The following GFRA2 variants were observed in gnomAD, a reference collection of about 807,000 sequenced individuals.
GFRA2 encodes GDNF family receptor alpha 2.
Under a neutral mutation model 48.3 loss-of-function variants are expected in GFRA2, and 17 were observed. The observed-to-expected ratio is 0.35, with a 90% CI of 0.24 to 0.53. GFRA2 has a LOEUF of 0.53. Among genes scored for constraint, GFRA2 ranks in the 20% least tolerant of loss-of-function variants. GFRA2 has a pLI of 0.93. For missense variants in GFRA2, 660 were observed against 637.3 expected (o/e 1.04, Z -0.38); for synonymous variants, 305 against 257.2 (o/e 1.19, Z -1.78).
At chr8:21,738,227 C>T (rs1406545636) in intron 4 of GFRA2, among the ~76,000 whole-genome samples, 1 of 126,696 alleles carries the variant, frequency 7.9e-6, no homozygotes, top group African/African-American at 3.0e-5. Context: ...CTCCTCCCCT[C>T]TTCCCCACCC....
At chr8:21,735,240 T>C (rs1328559841) in intron 4 of GFRA2, among the ~76,000 whole-genome samples, 1 of 152,202 alleles carries the variant, frequency 6.6e-6, no homozygotes, top group Non-Finnish European at 1.5e-5. Context: ...AGGTGAAGTC[T>C]TGCATCCCAT....
Position 21,800,410 on chromosome 8 carries a change from T to A in GFRA2, c.-36+4607A>T, listed in dbSNP as rs920609798. Among the ~76,000 whole-genome samples, 29 of 152,356 alleles carry A rather than the reference T, an allele frequency of 1.9e-4. No individual in the cohort carries two copies. In the South Asian group the frequency reaches 5.6e-3, roughly 29 times the overall value. On this transcript the variant is annotated intron_variant, in intron 2 of 10. Transcript: ENST00000517328. Reference sequence around the variant, plus strand: ...AGCATTCACACGCCACTCCCTCTCCTAATCATGGCAGATATTGTAAGGCTT... The same window carrying A: ...AGCATTCACACGCCACTCCCTCTCCAAATCATGGCAGATATTGTAAGGCTT...
At chr8:21,779,162 T>C (rs1444436462) in intron 2 of GFRA2, among the ~76,000 whole-genome samples, 1 of 152,310 alleles carries the variant, frequency 6.6e-6, no homozygotes, top group Non-Finnish European at 1.5e-5. Flanking sequence ...ATCATGCCAC[T>C]GCCCTCTAGC....
chr8:21,699,463 G>A (rs1802363529), intron 7 of GFRA2, among the ~76,000 whole-genome samples: 1 of 152,156 alleles, frequency 6.6e-6, no homozygotes, highest in African/African-American at 2.4e-5. Flanking sequence ...CCCTGGTGCT[G>A]GGAAAGGTGG....
At chr8:21,787,634 G>T (rs1807347512) in intron 1 of GFRA2, among the ~76,000 whole-genome samples, 1 of 152,216 alleles carries the variant, frequency 6.6e-6, no homozygotes, top group Non-Finnish European at 1.5e-5. Flanking sequence ...CCAAGCGGGA[G>T]CCGCCGGAGA....
At chr8:21,733,742 T>C (rs1316442408) in intron 4 of GFRA2, among the ~76,000 whole-genome samples, 1 of 152,108 alleles carries the variant, frequency 6.6e-6, no homozygotes, top group Non-Finnish European at 1.5e-5. Flanking sequence ...TTTATGACTA[T>C]TGATGGGATA....
chr8:21,811,869 C>T (rs1283539871), intron 1 of GFRA2, among the ~76,000 whole-genome samples: 1 of 152,180 alleles, frequency 6.6e-6, no homozygotes, highest in Non-Finnish European at 1.5e-5. Flanking sequence ...GACCCTTGCC[C>T]ATTTTCCCTG....
chr8:21,722,443 T>C (rs1803645201), intron 4 of GFRA2, among the ~76,000 whole-genome samples: 1 of 152,244 alleles, frequency 6.6e-6, no homozygotes. Context: ...CTTTTTCTTC[T>C]TTCTTTCCTC....
rs75685956 is a variant in GFRA2 at position 21,721,264 on chromosome 8, C to T, written c.795-15223G>A. Among the ~76,000 whole-genome samples the T allele has an allele frequency of 3.6e-3, 543 of 152,338 alleles. 4 individuals carry two copies. The highest frequency in any genetic ancestry group is 0.012 in the African/African-American group (494 of 41,580). On this transcript the variant is annotated intron_variant, in intron 4 of 8. Coordinates refer to ENST00000524240, the MANE Select transcript of GFRA2 (RefSeq NM_001495.5). ...CCCTCCAGTGTGTCTGCCTTTCCCC[C>T]CTTCCTCTTATCCTGCCCACTGGTG...
chr8:21,765,782 C>T (rs143394633), intron 3 of GFRA2, among the ~76,000 whole-genome samples: 6,571 of 109,224 alleles, frequency 0.06, 471 homozygotes, highest in African/African-American at 0.16. Context: ...TCTGTTCCTC[C>T]TCTCATCTTC....
At chr8:21,801,519 C>A (rs1807769666) in intron 2 of GFRA2, among the ~76,000 whole-genome samples, 1 of 152,030 alleles carries the variant, frequency 6.6e-6, no homozygotes. Context: ...GGAAGAGAAC[C>A]CAGCAGGTTC....
At chr8:21,737,149 G>A (rs1381317144) in intron 4 of GFRA2, among the ~76,000 whole-genome samples, 1 of 152,234 alleles carries the variant, frequency 6.6e-6, no homozygotes, top group African/African-American at 2.4e-5. Context: ...TTTCCAACAC[G>A]ATCATAGAAT....
At chr8:21,714,379 G>A (rs1359073412) in intron 4 of GFRA2, among the ~76,000 whole-genome samples, 1 of 148,522 alleles carries the variant, frequency 6.7e-6, no homozygotes, top group Non-Finnish European at 1.5e-5. Context: ...CACCGGAGCA[G>A]CTGGAATTAT....
chr8:21,714,374 G>A (rs1445349460), intron 4 of GFRA2, among the ~76,000 whole-genome samples: 1 of 149,204 alleles, frequency 6.7e-6, no homozygotes, highest in Non-Finnish European at 1.5e-5. Context: ...TCAGCCACCG[G>A]AGCAGCTGGA....
At chr8:21,713,440 C>T (rs1024085845) in intron 4 of GFRA2, among the ~76,000 whole-genome samples, 1 of 152,094 alleles carries the variant, frequency 6.6e-6, no homozygotes, top group African/African-American at 2.4e-5. Context: ...AAGTGATCCA[C>T]CCACCTTGGC....
Position 21,750,206 on chromosome 8 carries a change from C to T in GFRA2, c.794+382G>A, listed in dbSNP as rs527743518. ...ATCCTCCTGCCTCAGCCTCCTGAGT[C>T]GCTGGGATTACAGGCATGAGCCACT... On this transcript the variant is annotated intron_variant, in intron 4 of 8. Coordinates refer to ENST00000524240, the MANE Select transcript of GFRA2 (RefSeq NM_001495.5). This position sits in a 1 kb window ranked among gnomAD's most constrained non-coding sequence, Gnocchi z 5.7. Among the ~76,000 whole-genome samples, 26 of 152,114 alleles carry T rather than the reference C, an allele frequency of 1.7e-4. No individual in the cohort carries two copies. The South Asian group carries it at 2.5e-3, about 15-fold the overall frequency.
At chr8:21,745,623 A>C (rs949113124) in intron 4 of GFRA2, among the ~76,000 whole-genome samples, 4 of 152,126 alleles carry the variant, frequency 2.6e-5, no homozygotes, top group African/African-American at 9.7e-5. Context: ...GAGGAAGTGC[A>C]CCCCTTCCCA....
intron 3 of GFRA2, among the ~76,000 whole-genome samples, chr8:21,760,556 G>A (rs1442805888): frequency 6.6e-6 from 1 of 152,184 alleles, no homozygotes; most frequent in Non-Finnish European, 1.5e-5. Flanking sequence ...AAAGAAGAGA[G>A]GCAGAATGAA....
At chr8:21,712,763 G>A (rs970493129) in intron 4 of GFRA2, among the ~76,000 whole-genome samples, 14 of 152,226 alleles carry the variant, frequency 9.2e-5, no homozygotes, top group African/African-American at 2.9e-4. Flanking sequence ...ACGGCACCTC[G>A]GGAGGCCGAG....
Sources: gnomAD v4.1 joint callset for allele counts (sites outside exome capture counted in the v4.1 genomes callset) on GRCh38, gnomAD v4.1.1 for gene constraint, Gnocchi (gnomAD v3.1) non-coding constraint, MANE v1.5 for transcripts, NCBI Gene and HGNC (gene_info 2026-07-23, HGNC 2026-07-21) for gene names.